The following KANK1 variants were observed in gnomAD, a reference collection of about 807,000 sequenced individuals.
KANK1 encodes KN motif and ankyrin repeat domain-containing protein 1.
KANK1 carries 109 observed loss-of-function variants against 106.2 expected under a neutral mutation model. The observed-to-expected ratio is 1.03, with a 90% confidence interval of 0.88 to 1.20. The LOEUF (loss-of-function observed/expected upper bound fraction) is 1.20, where lower values mean the gene tolerates loss of function less well. KANK1 is among the 50% of genes most tolerant of loss of function. The pLI is 0.00. For missense variants in KANK1, 2,399 were observed against 1,710.7 expected (o/e 1.40, Z -7.10); for synonymous variants, 873 against 652.2 (o/e 1.34, Z -5.16).
intron 3 of KANK1, chr9:492,347 G>C (rs894356483): frequency 6.6e-6 from 1 of 152,218 alleles, no homozygotes; most frequent in Non-Finnish European, 1.5e-5. Context: ...GAGAGAATCA[G>C]TATAGCTTAG....
At chr9:725,769 G>A (rs928179412) in intron 3 of KANK1, among the ~76,000 whole-genome samples, 1 of 152,118 alleles carries the variant, frequency 6.6e-6, no homozygotes, top group African/African-American at 2.4e-5. Context: ...ACTCAGAGCA[G>A]TTTTAGGGCT....
At chr9:487,639 A>G (rs2058315283) in intron 3 of KANK1, 1 of 152,328 alleles carries the variant, frequency 6.6e-6, no homozygotes, top group East Asian at 1.9e-4. Flanking sequence ...CCATTGTTAA[A>G]ATCAATGAGT....
chr9:621,213 C>G (rs367640615), intron 1 of KANK1, among the ~76,000 whole-genome samples: 12 of 152,118 alleles, frequency 7.9e-5, no homozygotes, highest in African/African-American at 2.7e-4. Flanking sequence ...ATAGCTATCA[C>G]ATAACATACA....
intron 1 of KANK1, among the ~76,000 whole-genome samples, chr9:653,260 G>A (rs979736319): frequency 7.2e-5 from 11 of 152,056 alleles, no homozygotes; most frequent in Admixed American, 7.2e-4. Context: ...AGTCCCAGAG[G>A]TAGTTCGAGG....
chr9:744,730 C>T (rs759546528), intron 11 of KANK1, 141 bp downstream of exon 11: 55 of 1,543,146 alleles, frequency 3.6e-5, no homozygotes, highest in Non-Finnish European at 4.6e-5. Flanking sequence ...AAGAGTTCAT[C>T]CTTTCCGCCT....
intron 3 of KANK1, among the ~76,000 whole-genome samples, chr9:723,860 A>G (rs1239633987): frequency 6.6e-6 from 1 of 151,370 alleles, no homozygotes; most frequent in Non-Finnish European, 1.5e-5. Context: ...TCAGAGGCCA[A>G]GGTGGGTGGA....
At chr9:517,081 C>T (rs571555573) in intron 1 of KANK1, among the ~76,000 whole-genome samples, 1 of 151,360 alleles carries the variant, frequency 6.6e-6, no homozygotes, top group Non-Finnish European at 1.5e-5. Flanking sequence ...ATTAGTTATC[C>T]TTCCAAAATT....
chr9:562,840 G>T (rs1335014648), intron 1 of KANK1, among the ~76,000 whole-genome samples: 1 of 152,130 alleles, frequency 6.6e-6, no homozygotes, highest in Non-Finnish European at 1.5e-5. Flanking sequence ...TTGCCTTGAT[G>T]TTTGGCTCAT....
At chr9:613,367 C>G (rs573069535) in intron 1 of KANK1, among the ~76,000 whole-genome samples, 3 of 151,218 alleles carry the variant, frequency 2.0e-5, no homozygotes, top group Non-Finnish European at 4.4e-5. Context: ...TCCTTTATGA[C>G]AAGCTTGTCC....
At chr9:716,811 CA>C (rs1302062631) in intron 3 of KANK1, among the ~76,000 whole-genome samples, 1 of 152,084 alleles carries the variant, frequency 6.6e-6, no homozygotes, top group Non-Finnish European at 1.5e-5. Context: ...CTTGTCTCTA[CA>C]AAAAAATTTT....
intron 1 of KANK1, among the ~76,000 whole-genome samples, chr9:667,913 A>G (rs1474320456): frequency 6.6e-6 from 1 of 151,654 alleles, no homozygotes; most frequent in Non-Finnish European, 1.5e-5. Flanking sequence ...TGTATTTTTA[A>G]TGAGACAGGG....
At chr9:723,045 G>A (rs1829770283) in intron 3 of KANK1, among the ~76,000 whole-genome samples, 1 of 152,220 alleles carries the variant, frequency 6.6e-6, no homozygotes, top group African/African-American at 2.4e-5. Flanking sequence ...AAAAGAGTAT[G>A]GGTCGAATTC....
chr9:624,309 C>G (rs1326547379), intron 1 of KANK1, among the ~76,000 whole-genome samples: 1 of 152,034 alleles, frequency 6.6e-6, no homozygotes, highest in Non-Finnish European at 1.5e-5. Context: ...AGGGAGCGTC[C>G]TTAGTCTTTT....
intron 1 of KANK1, among the ~76,000 whole-genome samples, chr9:613,796 G>T (rs187388689): frequency 6.6e-6 from 1 of 151,278 alleles, no homozygotes; most frequent in Non-Finnish European, 1.5e-5. Flanking sequence ...ACTTTCTGTT[G>T]TAAAAAAGAC....
intron 1 of KANK1, among the ~76,000 whole-genome samples, chr9:593,121 G>C (rs914885204): frequency 3.3e-5 from 5 of 151,774 alleles, no homozygotes; most frequent in African/African-American, 1.2e-4. Context: ...TTGGAACCTG[G>C]AAATTTGAAC....
chr9:625,445 T>G (rs1238237271), intron 1 of KANK1, among the ~76,000 whole-genome samples: 19 of 152,184 alleles, frequency 1.2e-4, no homozygotes, highest in Admixed American at 1.2e-3. Flanking sequence ...ACTGGGCAAA[T>G]CTTGGGCCTC....
chr9:679,501 G>T (rs1358364172), intron 2 of KANK1, among the ~76,000 whole-genome samples: 3 of 152,066 alleles, frequency 2.0e-5, no homozygotes, highest in Non-Finnish European at 2.9e-5. Flanking sequence ...TGCAACCTCT[G>T]CCTCCTGGGT....
upstream of KANK1, among the ~76,000 whole-genome samples, chr9:499,742 T>G (rs190086064): frequency 5.9e-5 from 9 of 152,178 alleles, no homozygotes; most frequent in Non-Finnish European, 1.2e-4. Context: ...AGAATTACAT[T>G]GACATAGATC....
In KANK1 at chr9:648,030, C is replaced by A. The variant is rs866627935; in HGVS notation, c.-83-28860C>A. On this transcript the variant is annotated intron_variant, in intron 1 of 11. Coordinates refer to ENST00000382297, the MANE Select transcript of KANK1 (RefSeq NM_015158.5). ...TTTTTTTTTTTTTTTGATACAGAGT[C>A]TTGCTCTGTCGCCAGGCTGGAGTGG... Among the ~76,000 whole-genome samples the A allele has an allele frequency of 4.7e-4, 60 of 127,946 alleles. 1 individual carries two copies. The Middle Eastern group carries it at 0.014, about 30-fold the overall frequency. 83.9% of individuals were successfully genotyped at this position (127,946 alleles called of 152,430 possible). A position where few individuals can be genotyped will look rare whatever the true frequency, so the allele number is the denominator to read the frequency against.
Sources: allele counts gnomAD v4.1 joint callset (sites outside exome capture counted in the v4.1 genomes callset), GRCh38; gene constraint gnomAD v4.1.1; transcripts MANE v1.5; gene names NCBI Gene and HGNC (gene_info 2026-07-23, HGNC 2026-07-21).